The following R3HDM2 variants were observed in gnomAD, a reference collection of about 807,000 sequenced individuals.
The protein encoded by R3HDM2 is R3H domain-containing protein 2.
R3HDM2 carries 38 observed loss-of-function variants against 124.5 expected under a neutral mutation model. That is an observed-to-expected ratio of 0.31 (90% confidence interval 0.24 to 0.40). The LOEUF is 0.40. Among genes scored for constraint, R3HDM2 ranks in the 10% least tolerant of loss-of-function variants. The pLI, the probability that R3HDM2 is intolerant of heterozygous loss-of-function variation, is 1.00. For synonymous variants in R3HDM2, 391 were observed against 448.0 expected (o/e 0.87, Z 1.61); for missense variants, 869 against 1,236.9 (o/e 0.70, Z 4.46).
chr12:57,318,087 C>T (rs376716748), intron 2 of R3HDM2, among the ~76,000 whole-genome samples: 17 of 151,232 alleles, frequency 1.1e-4, no homozygotes, highest in East Asian at 5.8e-4. Flanking sequence ...GTCAGGGGTT[C>T]GAGACCAGCC....
intron 10 of R3HDM2, 23 bp downstream of exon 10, chr12:57,295,376 G>A: frequency 6.7e-7 from 1 of 1,489,962 alleles, no homozygotes; most frequent in South Asian, 1.2e-5. Flanking sequence ...CTCTATATAG[G>A]CCCACCCCTT....
intron 2 of R3HDM2, among the ~76,000 whole-genome samples, chr12:57,311,239 A>G (rs996580047): frequency 1.3e-5 from 2 of 151,726 alleles, no homozygotes; most frequent in Non-Finnish European, 2.9e-5. Context: ...ATATATATAT[A>G]TTTTGAGATG....
chr12:57,333,703 A>G (rs898954687), intron 2 of R3HDM2, among the ~76,000 whole-genome samples: 1 of 151,828 alleles, frequency 6.6e-6, no homozygotes, highest in Non-Finnish European at 1.5e-5. Flanking sequence ...AAATAAATAA[A>G]TACATAAATA....
intron 2 of R3HDM2, among the ~76,000 whole-genome samples, chr12:57,322,206 A>G (rs1347050160): frequency 3.3e-5 from 5 of 152,184 alleles, no homozygotes; most frequent in Admixed American, 1.3e-4. Context: ...ACAGAGTGAG[A>G]CTCCATCTCA....
intron 18 of R3HDM2, 181 bp downstream of exon 18, chr12:57,268,122 T>G (rs1323677139): frequency 3.8e-6 from 2 of 527,290 alleles, no homozygotes; most frequent in Non-Finnish European, 6.2e-6. Context: ...GATAACCTCT[T>G]AGGCACATGT....
chr12:57,396,139 C>G (rs908895974), intron 1 of R3HDM2, among the ~76,000 whole-genome samples: 1 of 152,122 alleles, frequency 6.6e-6, no homozygotes, highest in Non-Finnish European at 1.5e-5. Flanking sequence ...CTTTTTTACT[C>G]ATTAAAAAGA....
chr12:57,317,668 T>TAAAAA (rs562475743), intron 2 of R3HDM2, among the ~76,000 whole-genome samples: 1 of 108,112 alleles, frequency 9.2e-6, no homozygotes, highest in Non-Finnish European at 1.7e-5. Context: ...AGAAGATAGT[T>TAAAAA]AAAAAAAAAA....
intron 22 of R3HDM2, 24 bp downstream of exon 22, chr12:57,256,390 A>AGC (rs778854837): frequency 2.4e-5 from 36 of 1,512,636 alleles, no homozygotes; most frequent in Non-Finnish European, 2.4e-5. Flanking sequence ...TGATGGCCCT[A>AGC]CAGTTGCTGG....
chr12:57,277,886 T>G (rs1466778983), intron 14 of R3HDM2, among the ~76,000 whole-genome samples: 1 of 152,076 alleles, frequency 6.6e-6, no homozygotes, highest in East Asian at 1.9e-4. Context: ...TCAGCAACTT[T>G]GGTCTAGGGA....
intron 2 of R3HDM2, among the ~76,000 whole-genome samples, chr12:57,347,748 C>T (rs775922699): frequency 2.6e-5 from 4 of 152,134 alleles, no homozygotes; most frequent in Non-Finnish European, 4.4e-5. Flanking sequence ...CAAGTAGAAA[C>T]ATCTTATATC....
chr12:57,424,609 T>A (rs1341579809), intron 1 of R3HDM2, among the ~76,000 whole-genome samples: 1 of 152,176 alleles, frequency 6.6e-6, no homozygotes, highest in African/African-American at 2.4e-5. Context: ...GCCCATACTG[T>A]TCCTCATAAA....
At chr12:57,301,482 A>AT (rs2138730251) in intron 4 of R3HDM2, among the ~76,000 whole-genome samples, 1 of 152,344 alleles carries the variant, frequency 6.6e-6, no homozygotes, top group African/African-American at 2.4e-5. Flanking sequence ...TTGCTACTGA[A>AT]TGTTAAGCTA....
chr12:57,414,498 A>C (rs942642345), intron 1 of R3HDM2, among the ~76,000 whole-genome samples: 5 of 148,724 alleles, frequency 3.4e-5, no homozygotes, highest in South Asian at 4.3e-4. Flanking sequence ...AAAAAAAAAA[A>C]AAAAAAAAAA....
At chr12:57,392,804 CTT>C (rs1183514418) in intron 2 of R3HDM2, among the ~76,000 whole-genome samples, 36 of 127,472 alleles carry the variant, frequency 2.8e-4, no homozygotes, top group Admixed American at 8.6e-4. Context: ...CTATAGTACA[CTT>C]TTTTTTTTTT....
At chr12:57,410,338 A>C (rs901541978) in intron 1 of R3HDM2, among the ~76,000 whole-genome samples, 48 of 151,710 alleles carry the variant, frequency 3.2e-4, no homozygotes, top group Non-Finnish European at 6.5e-4. Context: ...AAAAAAAAAA[A>C]AAAACTTCAC....
intron 1 of R3HDM2, among the ~76,000 whole-genome samples, chr12:57,407,555 G>T (rs2068638453): frequency 6.6e-6 from 1 of 151,314 alleles, no homozygotes; most frequent in South Asian, 2.1e-4. Context: ...ACAGGCGTCT[G>T]CCACCGTGCC....
chr12:57,378,386 T>C (rs2064369604), intron 2 of R3HDM2, among the ~76,000 whole-genome samples: 2 of 152,082 alleles, frequency 1.3e-5, no homozygotes, highest in African/African-American at 4.8e-5. Context: ...TGGTATTATT[T>C]TTCTTTTTTT....
chr12:57,421,717 C>A (rs1256688255), intron 1 of R3HDM2, among the ~76,000 whole-genome samples: 1 of 150,282 alleles, frequency 6.7e-6, no homozygotes, highest in Admixed American at 6.7e-5. Flanking sequence ...CTAAGTTGCC[C>A]CAGGCTAGTC....
chr12:57,331,684 G>A (rs2058219467), intron 2 of R3HDM2, among the ~76,000 whole-genome samples: 1 of 152,108 alleles, frequency 6.6e-6, no homozygotes, highest in East Asian at 1.9e-4. Context: ...GGAGGCCGAG[G>A]TGGGTGGGTC....
Sources: allele counts gnomAD v4.1 joint callset (sites outside exome capture counted in the v4.1 genomes callset), GRCh38; gene constraint gnomAD v4.1.1; transcripts MANE v1.5; gene names NCBI Gene and HGNC (gene_info 2026-07-23, HGNC 2026-07-21).